The following AP2B1 variants were observed in gnomAD, a reference collection of about 807,000 sequenced individuals.
The protein encoded by AP2B1 is AP-2 complex subunit beta.
Under a neutral mutation model 102.0 loss-of-function variants are expected in AP2B1, and 23 were observed. The observed-to-expected ratio is 0.23, with a 90% CI of 0.16 to 0.32. The LOEUF (loss-of-function observed/expected upper bound fraction) is 0.32, where lower values mean the gene tolerates loss of function less well. Ranked by LOEUF, AP2B1 falls within the 10% of genes least tolerant of loss-of-function variation. The pLI, the probability that AP2B1 is intolerant of heterozygous loss-of-function variation, is 1.00. For missense variants in AP2B1, 541 were observed against 1,157.4 expected (o/e 0.47, Z 7.73); for synonymous variants, 381 against 421.2 (o/e 0.90, Z 1.17).
rs200199804 is a variant in AP2B1 at position 35,624,382 on chromosome 17, C to T, written c.526-15C>T. 8 of 1,613,104 alleles carry T rather than the reference C, an allele frequency of 5.0e-6. No individual in the cohort carries two copies. The highest frequency in any genetic ancestry group is 5.1e-6 in the Non-Finnish European group (6 of 1,179,570). ...TGTTCTTGGTGAATCAAGGTCATAC[C>T]CCCTTCTTTTCCAGGTGGTGGCTAA... On this transcript the variant is annotated splice_polypyrimidine_tract_variant and intron_variant, in intron 5 of 21. Transcript: ENST00000610402.
At chr17:35,614,655 TAAAAAA>T (rs3031833) in intron 5 of AP2B1, among the ~76,000 whole-genome samples, 3 of 93,158 alleles carry the variant, frequency 3.2e-5, no homozygotes, top group Non-Finnish European at 6.0e-5. Flanking sequence ...GTTGAATTAG[TAAAAAA>T]AAAAAAAAAA....
chr17:35,693,058 C>T (rs2076072035), intron 18 of AP2B1, among the ~76,000 whole-genome samples: 1 of 152,036 alleles, frequency 6.6e-6, no homozygotes, highest in African/African-American at 2.4e-5. Flanking sequence ...TCTGTTGTTG[C>T]CCAGGCTGGA....
intron 17 of AP2B1, among the ~76,000 whole-genome samples, chr17:35,680,060 GC>G (rs201726471): frequency 1.3e-5 from 2 of 151,258 alleles, no homozygotes; most frequent in East Asian, 3.9e-4. Context: ...CCACGACCAC[GC>G]CCGACTAATT....
intron 20 of AP2B1, 95 bp downstream of exon 20, chr17:35,710,415 C>T: frequency 2.5e-6 from 2 of 802,694 alleles, no homozygotes; most frequent in Non-Finnish European, 4.1e-6. Flanking sequence ...TTTATCCTCC[C>T]CCGTATCTAC....
At chr17:35,614,555 C>G (rs2073958100) in intron 5 of AP2B1, among the ~76,000 whole-genome samples, 1 of 148,556 alleles carries the variant, frequency 6.7e-6, no homozygotes, top group Admixed American at 6.9e-5. Flanking sequence ...CCCCTTTGAT[C>G]TTCATCTTCC....
chr17:35,638,050 G>C (rs1166688869), intron 10 of AP2B1, among the ~76,000 whole-genome samples: 1 of 152,046 alleles, frequency 6.6e-6, no homozygotes, highest in Non-Finnish European at 1.5e-5. Flanking sequence ...GTGTTGCCCA[G>C]GCTGGACACA....
chr17:35,656,883 T>TTA (rs1371613918), intron 13 of AP2B1, among the ~76,000 whole-genome samples: 1 of 36,434 alleles, frequency 2.7e-5, no homozygotes, highest in East Asian at 1.2e-3. Flanking sequence ...AGACTCCGTC[T>TTA]CAAAAAAAAA....
intron 17 of AP2B1, among the ~76,000 whole-genome samples, chr17:35,679,870 G>A (rs1301731127): frequency 6.6e-6 from 1 of 151,694 alleles, no homozygotes; most frequent in African/African-American, 2.4e-5. Flanking sequence ...GTTTATCTAG[G>A]AAAAGGAAAA....
At position 35,723,591 on chromosome 17, in the gene AP2B1, G is replaced by A. The variant is rs587655659; in HGVS notation, c.2782-34G>A. 64 of 1,483,706 alleles carry A rather than the reference G, an allele frequency of 4.3e-5. No homozygotes were observed. The South Asian group carries it at 5.0e-4, about 12-fold the overall frequency. The allele number at this position is 1,483,706 out of a possible 1,614,324, so 91.9% of individuals were successfully genotyped here. On this transcript the variant is annotated intron_variant, in intron 21 of 21. Transcript: ENST00000610402. ...ACCTTTAGAGCTAATGCCAACCTCT[G>A]TGCTAATCTTCCATCTCCTTTTTCT...
At chr17:35,691,754 T>A (rs1387629378) in intron 18 of AP2B1, among the ~76,000 whole-genome samples, 2 of 152,202 alleles carry the variant, frequency 1.3e-5, no homozygotes, top group Non-Finnish European at 2.9e-5. Context: ...CCATAAGCAG[T>A]ATGTAGGTAC....
At chr17:35,681,049 T>G (rs587640744) in intron 17 of AP2B1, among the ~76,000 whole-genome samples, 1 of 152,258 alleles carries the variant, frequency 6.6e-6, no homozygotes, top group South Asian at 2.1e-4. Flanking sequence ...CTCCCACATA[T>G]GTATTTGTTT....
At chr17:35,590,206 C>T (rs541824386) in intron 1 of AP2B1, among the ~76,000 whole-genome samples, 1 of 152,328 alleles carries the variant, frequency 6.6e-6, no homozygotes, top group South Asian at 2.1e-4. Flanking sequence ...GCGTGAGCCA[C>T]CGCGACCGGC....
At position 35,682,785 on chromosome 17, in the gene AP2B1, G is replaced by T. The variant is rs1251662865; in HGVS notation, c.2415G>T (p.Leu805Phe). ...ATGTCTCCCTGCCTCTCAATACCTT[G>T]GGCCCAGTCATGAAGATGGAACCTC... is the stretch of plus-strand genomic sequence containing the variant. ...SIDVSLPLNT[L>F]GPVMKMEPLN... is the part of the protein sequence containing the mutation. The change falls in exon 18 of 22, where the codon TTG becomes TTT. Residue 805 changes from leucine (L) to phenylalanine (F), a missense_variant. Leu to Phe is a conservative substitution (Grantham distance 22, BLOSUM62 0). This residue lies in a region of AP2B1 where 117 missense variants were observed against 206.7 expected (regional missense o/e 0.57). Transcript: ENST00000610402. The T allele has an allele frequency of 1.2e-6, 2 of 1,612,772 alleles. No homozygotes were observed. Among genetic ancestry groups the T allele is most frequent in the Non-Finnish European group, 1.7e-6 (2 of 1,179,104 alleles).
chr17:35,627,799 A>T, intron 9 of AP2B1, 73 bp downstream of exon 9: 1 of 1,265,956 alleles, frequency 7.9e-7, no homozygotes, highest in Non-Finnish European at 1.1e-6. Context: ...TCTTTAAAAT[A>T]ATTTTTAAGT....
At chr17:35,597,331 T>G (rs1567770593) in intron 2 of AP2B1, among the ~76,000 whole-genome samples, 1 of 152,194 alleles carries the variant, frequency 6.6e-6, no homozygotes, top group Non-Finnish European at 1.5e-5. Flanking sequence ...ATATTAGGGT[T>G]GTTACTTTCT....
intron 10 of AP2B1, among the ~76,000 whole-genome samples, chr17:35,638,789 GA>G (rs11286699): frequency 0.81 from 89,865 of 110,420 alleles, 35,787 homozygotes; most frequent in East Asian, 0.93. Flanking sequence ...ACTCCGTCTT[GA>G]AAAAAAAAAA....
At chr17:35,682,870 A>T (rs1442933146) in intron 18 of AP2B1, 46 bp downstream of exon 18, 15 of 1,499,056 alleles carry the variant, frequency 1.0e-5, no homozygotes, top group South Asian at 9.4e-5. Flanking sequence ...ATATCTTGAC[A>T]ATTATTATTA....
At chr17:35,714,375 T>TC (rs367836864) in intron 20 of AP2B1, among the ~76,000 whole-genome samples, 41 of 152,278 alleles carry the variant, frequency 2.7e-4, no homozygotes, top group Admixed American at 1.0e-3. Context: ...AGATGTAAAT[T>TC]CCCCCATTCC....
chr17:35,609,180 A>G (rs1335955010), intron 5 of AP2B1, among the ~76,000 whole-genome samples: 2 of 152,212 alleles, frequency 1.3e-5, no homozygotes, highest in African/African-American at 4.8e-5. Context: ...AAAATTATTT[A>G]TCTATCTATT....
Sources: allele counts gnomAD v4.1 joint callset (sites outside exome capture counted in the v4.1 genomes callset), GRCh38; gene constraint gnomAD v4.1.1; regional missense constraint gnomAD v4.1.1; transcripts MANE v1.5; gene names NCBI Gene and HGNC (gene_info 2026-07-23, HGNC 2026-07-21).